The following MCM8 variants were observed in gnomAD, a reference collection of about 807,000 sequenced individuals.
MCM8 encodes the protein DNA helicase MCM8.
MCM8 carries 85 observed loss-of-function variants against 98.9 expected under a neutral mutation model. The ratio of observed to expected loss-of-function variants is 0.86; its 90% CI spans 0.72 to 1.03. The LOEUF (loss-of-function observed/expected upper bound fraction) is 1.03, where lower values mean the gene tolerates loss of function less well. Among genes scored for constraint, MCM8 ranks in the 50% least tolerant of loss-of-function variants. MCM8 has a pLI of 0.00. For missense variants in MCM8, 951 were observed against 997.8 expected (o/e 0.95, Z 0.63); for synonymous variants, 352 against 338.6 (o/e 1.04, Z -0.44).
intron 18 of MCM8, 43 bp downstream of exon 18, chr20:5,993,738 G>T: frequency 6.8e-7 from 1 of 1,461,388 alleles, no homozygotes; most frequent in Middle Eastern, 2.3e-4. Flanking sequence ...ATTTCAGGAG[G>T]TCCTTGTTAA....
intron 3 of MCM8, among the ~76,000 whole-genome samples, chr20:5,952,937 A>T (rs577023157): frequency 6.6e-6 from 1 of 152,286 alleles, no homozygotes; most frequent in African/African-American, 2.4e-5. Context: ...TGTTATTTTG[A>T]CTTTTGAGGG....
At chr20:5,987,000 A>T (rs1451839313) in intron 16 of MCM8, among the ~76,000 whole-genome samples, 1 of 151,816 alleles carries the variant, frequency 6.6e-6, no homozygotes, top group Non-Finnish European at 1.5e-5. Flanking sequence ...TAATTTGAAA[A>T]TTTTTTTGTA....
chr20:5,966,123 C>T (rs1600261529), intron 8 of MCM8, among the ~76,000 whole-genome samples: 1 of 152,222 alleles, frequency 6.6e-6, no homozygotes, highest in East Asian at 1.9e-4. Flanking sequence ...ATTTTCTCTG[C>T]TGTTTATGAG....
chr20:5,989,407 C>T (rs4815880), intron 17 of MCM8, among the ~76,000 whole-genome samples: 8,963 of 152,154 alleles, frequency 0.059, 299 homozygotes, highest in East Asian at 0.092. Context: ...TGAGCCACCA[C>T]GCCTGGCCTG....
intron 7 of MCM8, among the ~76,000 whole-genome samples, chr20:5,960,407 C>T (rs926635307): frequency 9.2e-5 from 14 of 152,190 alleles, no homozygotes; most frequent in Middle Eastern, 3.4e-3. Flanking sequence ...CAGCTTCCCA[C>T]GTAGTTGGGA....
At chr20:5,987,142 A>G in intron 16 of MCM8, 140 bp from the exon 17 acceptor site, 6 of 735,998 alleles carry the variant, frequency 8.2e-6, no homozygotes, top group South Asian at 8.0e-5. Context: ...AATTACTTCC[A>G]TATTTTGACT....
chr20:5,972,988 A>C, intron 11 of MCM8, 68 bp from the exon 12 acceptor site: 4 of 1,533,814 alleles, frequency 2.6e-6, no homozygotes, highest in Admixed American at 1.9e-5. Flanking sequence ...AGAAGGAGGA[A>C]TACCCCCTTT....
chr20:5,958,136 C>T (rs1308398261), intron 6 of MCM8, among the ~76,000 whole-genome samples: 3 of 152,114 alleles, frequency 2.0e-5, no homozygotes, highest in Non-Finnish European at 2.9e-5. Context: ...ACTGGGAGTC[C>T]GAGGCAGGCG....
In MCM8 at chr20:5,963,525, CTT is replaced by C. The variant is rs34718923; in HGVS notation, c.875+186_875+187del. 8.5e-3 allele frequency among the ~76,000 whole-genome samples: 940 copies of C among 110,426 alleles called. 3 individuals are homozygous for C. Among genetic ancestry groups the C allele is most frequent in the African/African-American group, 0.032 (800 of 24,694 alleles). 72.4% of individuals were successfully genotyped at this position (110,426 alleles called of 152,430 possible). A position where few individuals can be genotyped will look rare whatever the true frequency, so the allele number is the denominator to read the frequency against. ...GAAGAGTTTGTATGTTAAAATAATT[CTT>C]TTTTTTTTTTTTTTTTTTTGAGACG... is the stretch of plus-strand genomic sequence containing the variant. On this transcript the variant is annotated intron_variant, in intron 8 of 18. Coordinates refer to ENST00000610722, the MANE Select transcript of MCM8 (RefSeq NM_032485.6).
chr20:5,956,482 A>G (rs761113645), intron 5 of MCM8, among the ~76,000 whole-genome samples: 8 of 152,092 alleles, frequency 5.3e-5, no homozygotes, highest in Non-Finnish European at 8.8e-5. Context: ...CTGGAGTGCA[A>G]TGGTGTGATC....
chr20:5,957,089 G>A (rs1304343622), intron 5 of MCM8, 37 bp from the exon 6 acceptor site: 2 of 1,422,954 alleles, frequency 1.4e-6, no homozygotes, highest in East Asian at 2.3e-5. Flanking sequence ...AGGATGTTTT[G>A]TTTTCCAACT....
chr20:5,958,574 A>T lies in MCM8; in HGVS notation c.637A>T (p.Asn213Tyr). Residue 213 changes from asparagine (N) to tyrosine (Y), a missense_variant, in exon 7 of 19, where the codon AAT becomes TAT. Physicochemically the swap from Asn to Tyr is moderately radical, Grantham distance 143. Transcript: ENST00000610722. The part of the protein sequence containing the change: ...PLTQLKNVRA[N>Y]YYGKYIALRG... ...GACACAGCTCAAGAATGTCAGAGCA[A>T]ATTACTATGGAAAATACATTGCTCT... 4 of 1,614,138 alleles carry T rather than the reference A, an allele frequency of 2.5e-6. No individual in the cohort carries two copies. In the African/African-American group the frequency reaches 5.3e-5, roughly 22 times the overall value.
chr20:5,952,544 T>C lies in MCM8; in HGVS notation c.253+16T>C. 2 of 1,592,614 alleles carry C rather than the reference T, an allele frequency of 1.3e-6. No individual in the cohort carries two copies. Among genetic ancestry groups the C allele is most frequent in the Non-Finnish European group, 1.7e-6 (2 of 1,164,150 alleles). On this transcript the variant is annotated intron_variant, in intron 3 of 18. Coordinates refer to ENST00000610722, the MANE Select transcript of MCM8 (RefSeq NM_032485.6). ...TTCTCTGAAGGTAGGGTTTAAAAAGTACAAAAAAGCACCATAAATCATATT... is the reference window on the plus strand; with the variant it reads ...TTCTCTGAAGGTAGGGTTTAAAAAGCACAAAAAAGCACCATAAATCATATT...
At chr20:5,994,273 C>G (rs765976156) in intron 18 of MCM8, 26 bp from the exon 19 acceptor site, 1 of 1,426,600 alleles carries the variant, frequency 7.0e-7, no homozygotes, top group South Asian at 1.2e-5. Context: ...ACTTAATGGG[C>G]TAAACCTTTT....
In MCM8 at chr20:5,955,258, A is replaced by G. The variant is rs372036522; in HGVS notation, c.486+7A>G. 6.2e-7 allele frequency: 1 copy of G among 1,610,322 alleles called. No homozygotes were observed. Among genetic ancestry groups the G allele is most frequent in the African/African-American group, 1.3e-5 (1 of 74,750 alleles). ...GGGTTTGGCAATACATCAGGTAACT[A>G]TTTGTCTTATGCATACTTTTGTCTA... is the stretch of plus-strand genomic sequence containing the variant. On this transcript the variant is annotated splice_region_variant and intron_variant, in intron 5 of 18. Coordinates refer to ENST00000610722, the MANE Select transcript of MCM8 (RefSeq NM_032485.6).
intron 11 of MCM8, 78 bp downstream of exon 11, chr20:5,972,115 A>G (rs2089416803): frequency 3.5e-6 from 4 of 1,128,030 alleles, no homozygotes; most frequent in South Asian, 2.9e-5. Flanking sequence ...TACAGAAAGT[A>G]GCAAATTTCT....
chr20:5,968,342 C>T (rs56289314), intron 10 of MCM8, among the ~76,000 whole-genome samples: 4,561 of 152,158 alleles, frequency 0.03, 87 homozygotes, highest in Middle Eastern at 0.075. Context: ...GTCGGGAGTT[C>T]GAGACCAGCC....
chr20:5,967,644 C>T, intron 9 of MCM8, 57 bp downstream of exon 9: 1 of 1,542,934 alleles, frequency 6.5e-7, no homozygotes, highest in Non-Finnish European at 8.8e-7. Context: ...CAACGTTCAT[C>T]TTTTCTAAGA....
At chr20:5,986,450 A>G (rs1028161641) in intron 16 of MCM8, among the ~76,000 whole-genome samples, 15 of 152,224 alleles carry the variant, frequency 9.9e-5, no homozygotes, top group African/African-American at 3.6e-4. Context: ...CAAGTTGAGT[A>G]TATGGGAACA....
Sources: gnomAD v4.1 joint callset for allele counts (sites outside exome capture counted in the v4.1 genomes callset) on GRCh38, gnomAD v4.1.1 for gene constraint, MANE v1.5 for transcripts, NCBI Gene and HGNC (gene_info 2026-07-23, HGNC 2026-07-21) for gene names.